SF3B1: variants seen among roughly 807,000 people sequenced by gnomAD.
The protein encoded by SF3B1 is pre-mRNA processing 10.
Under a neutral mutation model 153.8 loss-of-function variants are expected in SF3B1, and 12 were observed. The observed-to-expected ratio is 0.08, with a 90% CI of 0.05 to 0.13. The LOEUF is 0.13. Among genes scored for constraint, SF3B1 ranks in the 10% least tolerant of loss-of-function variants. The pLI, the probability that SF3B1 is intolerant of heterozygous loss-of-function variation, is 1.00. For synonymous variants in SF3B1, 498 were observed against 525.2 expected (o/e 0.95, Z 0.71); for missense variants, 513 against 1,606.1 (o/e 0.32, Z 11.63).
chr2:197,397,021 T>C (rs573566835), intron 22 of SF3B1, among the ~76,000 whole-genome samples: 13 of 152,354 alleles, frequency 8.5e-5, no homozygotes, highest in African/African-American at 3.1e-4. Flanking sequence ...AAACATTTTC[T>C]TAAGCCACAT....
At chr2:197,395,954 T>G (rs1255953216) in intron 23 of SF3B1, 102 bp downstream of exon 23, 2 of 1,041,264 alleles carry the variant, frequency 1.9e-6, no homozygotes, top group Non-Finnish European at 2.8e-6. Context: ...ATTTTTTCTT[T>G]AACTATGTTA....
intron 23 of SF3B1, among the ~76,000 whole-genome samples, chr2:197,393,885 TTTAAAA>T (rs1242588666): frequency 1.3e-5 from 2 of 152,194 alleles, no homozygotes; most frequent in Non-Finnish European, 2.9e-5. Flanking sequence ...TTTTCTCTTT[TTTAAAA>T]TTATTTTTCA....
chr2:197,425,815 C>A (rs2085326635), intron 1 of SF3B1, among the ~76,000 whole-genome samples: 3 of 152,006 alleles, frequency 2.0e-5, no homozygotes, highest in Admixed American at 2.0e-4. Context: ...GCCTGGGCGA[C>A]ATGGCAAAAC....
At chr2:197,404,398 G>T (rs1274266521) in intron 11 of SF3B1, among the ~76,000 whole-genome samples, 1 of 151,958 alleles carries the variant, frequency 6.6e-6, no homozygotes, top group Non-Finnish European at 1.5e-5. Flanking sequence ...TGGCCAACAT[G>T]GTGAAACCCC....
chr2:197,424,167 A>G (rs1051466738), intron 1 of SF3B1, among the ~76,000 whole-genome samples, 193 bp from the exon 2 acceptor site: 5 of 152,220 alleles, frequency 3.3e-5, no homozygotes, highest in Non-Finnish European at 5.9e-5. Context: ...TAGGCTGGGC[A>G]TGTGGCTCAC....
At chr2:197,412,635 C>T (rs1272551944) in intron 6 of SF3B1, among the ~76,000 whole-genome samples, 4 of 151,620 alleles carry the variant, frequency 2.6e-5, no homozygotes, top group East Asian at 2.0e-4. Flanking sequence ...GGATTACAGG[C>T]GTGAGCCACC....
chr2:197,405,619 A>AG, intron 9 of SF3B1, 147 bp from the exon 10 acceptor site: 1 of 629,362 alleles, frequency 1.6e-6, no homozygotes, highest in Non-Finnish European at 2.8e-6. Context: ...TTCTATCTTA[A>AG]TTAGAAACTT....
chr2:197,403,154 G>C, intron 12 of SF3B1, 119 bp from the exon 13 acceptor site: 1 of 752,838 alleles, frequency 1.3e-6, no homozygotes, highest in Non-Finnish European at 2.2e-6. Flanking sequence ...TTAATCAAGG[G>C]ACGAACTGTT....
In SF3B1 at chr2:197,392,363, T is replaced by C; in HGVS notation, c.3855A>G (p.Pro1285=). Reference sequence around the variant, plus strand: ...TGTTCTTATCATCGTTGTAGATTCTTGGGTAATGTGCTATGAGAGCGTCCT... The same window carrying C: ...TGTTCTTATCATCGTTGTAGATTCTCGGGTAATGTGCTATGAGAGCGTCCT... The part of the protein sequence containing the change: ...GSQDALIAHY[P]RIYNDDKNTY... Residue 1285 remains proline (P), a synonymous_variant, in exon 25 of 25, where the codon CCA becomes CCG. Transcript: ENST00000335508. 6.3e-7 allele frequency: 1 copy of C among 1,580,322 alleles called. No individual in the cohort carries two copies. Among genetic ancestry groups the C allele is most frequent in the Non-Finnish European group, 8.7e-7 (1 of 1,149,474 alleles).
At chr2:197,424,483 CTCTA>C (rs1323889907) in intron 1 of SF3B1, among the ~76,000 whole-genome samples, 2 of 143,190 alleles carry the variant, frequency 1.4e-5, no homozygotes, top group African/African-American at 2.7e-5. Flanking sequence ...CAGAGCAAGA[CTCTA>C]TCTCTCAAAA....
At chr2:197,417,305 G>A (rs1007101452) in intron 5 of SF3B1, among the ~76,000 whole-genome samples, 4 of 152,082 alleles carry the variant, frequency 2.6e-5, no homozygotes, top group African/African-American at 7.2e-5. Context: ...TAATAAAATT[G>A]TTTTATTTAT....
rs1438447076 is a variant in SF3B1, at chr2:197,402,540, T to C, written c.2077+16A>G. The stretch of plus-strand genomic sequence containing the variant: ...TAAAGAAAAAAAAAAAAAGACAAAG[T>C]TACATTACAACTTACCATGTTCAAT... On this transcript the variant is annotated intron_variant, in intron 14 of 24. Transcript: ENST00000335508. The surrounding 1 kb of genome is among the most constrained non-coding windows in gnomAD (Gnocchi z 4.6). The C allele has an allele frequency of 2.5e-6, 4 of 1,585,796 alleles. No homozygotes were observed. Among genetic ancestry groups the C allele is most frequent in the South Asian group, 2.3e-5 (2 of 85,360 alleles).
intron 6 of SF3B1, among the ~76,000 whole-genome samples, chr2:197,412,689 C>T (rs1261373592): frequency 6.6e-6 from 1 of 150,724 alleles, no homozygotes; most frequent in East Asian, 2.0e-4. Context: ...AAGATATCAG[C>T]ATATCAGCTC....
At chr2:197,432,270 T>G (rs1203969000) in intron 1 of SF3B1, among the ~76,000 whole-genome samples, 1 of 152,216 alleles carries the variant, frequency 6.6e-6, no homozygotes, top group African/African-American at 2.4e-5. Flanking sequence ...AAAGGATTAG[T>G]GGCAAAACAA....
intron 5 of SF3B1, among the ~76,000 whole-genome samples, chr2:197,418,234 C>CAAAAAAAAACAAAAAA (rs2085183431): frequency 2.7e-5 from 1 of 36,366 alleles, no homozygotes. Context: ...AGACTGTGTC[C>CAAAAAAAAACAAAAAA]AAAAAAAAAA....
chr2:197,390,371 T>C lies in SF3B1; in HGVS notation c.*1932A>G, dbSNP rs184540860. ...CATCAAATTTTGGCTTTGTAATCTA[T>C]TTGTATTCAATTCTCAGTCATTACT... On this transcript the variant is annotated 3_prime_UTR_variant, in exon 25 of 25. Transcript: ENST00000335508. 29 of 152,348 alleles carry C rather than the reference T, an allele frequency of 1.9e-4. No homozygotes were observed. The highest frequency in any genetic ancestry group is 7.0e-4 in the African/African-American group (29 of 41,584). The allele number at this position is 152,348 out of a possible 1,614,324, so 9.4% of individuals were successfully genotyped here.
chr2:197,429,359 G>C (rs1228738868), intron 1 of SF3B1, among the ~76,000 whole-genome samples: 1 of 152,080 alleles, frequency 6.6e-6, no homozygotes, highest in Admixed American at 6.5e-5. Context: ...TTTATTACTG[G>C]GTAGTATTCC....
At chr2:197,423,195 T>C (rs1447478574) in intron 2 of SF3B1, among the ~76,000 whole-genome samples, 5 of 152,048 alleles carry the variant, frequency 3.3e-5, no homozygotes, top group South Asian at 2.1e-4. Context: ...CAGACCAGCC[T>C]GGCCAACATG....
intron 22 of SF3B1, among the ~76,000 whole-genome samples, chr2:197,397,627 C>T (rs1000948484): frequency 6.1e-4 from 93 of 152,082 alleles, no homozygotes; most frequent in African/African-American, 2.1e-3. Context: ...GAAACCTCAT[C>T]TCTACTAAAA....
Sources: allele counts gnomAD v4.1 joint callset (sites outside exome capture counted in the v4.1 genomes callset), GRCh38; gene constraint gnomAD v4.1.1; non-coding constraint Gnocchi (gnomAD v3.1); transcripts MANE v1.5; gene names NCBI Gene and HGNC (gene_info 2026-07-23, HGNC 2026-07-21).